The following IL6R variants were observed in gnomAD, a reference collection of about 807,000 sequenced individuals.
The protein encoded by IL6R is interleukin-6 receptor subunit alpha.
In IL6R, 38 loss-of-function variants were observed where a neutral mutation model predicts 48.3. The observed-to-expected ratio is 0.79, with a 90% CI of 0.61 to 1.03. IL6R has a LOEUF of 1.03. Ranked by LOEUF, IL6R falls within the 50% of genes least tolerant of loss-of-function variation. IL6R has a pLI of 0.00. For synonymous variants in IL6R, 264 were observed against 256.2 expected (o/e 1.03, Z -0.29); for missense variants, 534 against 618.3 (o/e 0.86, Z 1.45).
chr1:154,434,747 T>C, intron 4 of IL6R, 47 bp downstream of exon 4: 2 of 1,552,436 alleles, frequency 1.3e-6, no homozygotes, highest in Non-Finnish European at 1.8e-6. Context: ...TCTCTTTTGA[T>C]TTAATACTCC....
At chr1:154,421,572 C>T (rs1688666200) in intron 1 of IL6R, among the ~76,000 whole-genome samples, 1 of 152,210 alleles carries the variant, frequency 6.6e-6, no homozygotes, top group Admixed American at 6.5e-5. Flanking sequence ...TCCTTCCCTC[C>T]TTACTGCATT....
At chr1:154,464,398 G>A (rs759714662) in intron 9 of IL6R, among the ~76,000 whole-genome samples, 17 of 151,926 alleles carry the variant, frequency 1.1e-4, no homozygotes, top group South Asian at 2.1e-4. Flanking sequence ...CAGGTGATCC[G>A]CCCGCCTCGG....
intron 8 of IL6R, among the ~76,000 whole-genome samples, chr1:154,452,266 A>G (rs1458195122): frequency 2.6e-5 from 4 of 152,202 alleles, no homozygotes; most frequent in South Asian, 2.1e-4. Flanking sequence ...AAGTCTTGAC[A>G]AAGTCCCCAG....
chr1:154,444,520 T>C (rs951790739), intron 6 of IL6R, among the ~76,000 whole-genome samples: 38 of 152,232 alleles, frequency 2.5e-4, no homozygotes, highest in African/African-American at 7.0e-4. Context: ...TGCCAGCTTT[T>C]AATTTTGCTA....
chr1:154,454,619 C>T (rs1186597044), intron 9 of IL6R, 38 bp downstream of exon 9: 11 of 1,350,528 alleles, frequency 8.1e-6, no homozygotes, highest in Non-Finnish European at 1.1e-5. Flanking sequence ...GTGGTGTTCT[C>T]ATATTTCTTA....
At chr1:154,461,063 G>C (rs369972980) in intron 9 of IL6R, among the ~76,000 whole-genome samples, 1 of 152,168 alleles carries the variant, frequency 6.6e-6, no homozygotes, top group South Asian at 2.1e-4. Flanking sequence ...TTACAGGATC[G>C]GGGGCCCTTC....
intron 1 of IL6R, chr1:154,414,899 A>G: frequency 1.1e-6 from 1 of 882,368 alleles, no homozygotes; most frequent in Non-Finnish European, 1.9e-6. Context: ...AAGTAGCAGC[A>G]TTTGAGCTGG....
chr1:154,456,486 C>T (rs535235521), intron 9 of IL6R, among the ~76,000 whole-genome samples: 6 of 152,090 alleles, frequency 3.9e-5, no homozygotes, highest in Non-Finnish European at 5.9e-5. Context: ...GGATTACAGG[C>T]GTGAGCCACT....
chr1:154,447,588 T>A (rs990069379), intron 6 of IL6R, among the ~76,000 whole-genome samples: 7 of 146,380 alleles, frequency 4.8e-5, no homozygotes, highest in African/African-American at 1.0e-4. Flanking sequence ...TATATATATA[T>A]AAAATAAATT....
chr1:154,465,082 C>T, intron 9 of IL6R, 52 bp from the exon 10 acceptor site: 1 of 1,610,164 alleles, frequency 6.2e-7, no homozygotes. Flanking sequence ...GTGGGCTTGT[C>T]ACAGGGGGAG....
intron 7 of IL6R, among the ~76,000 whole-genome samples, chr1:154,449,050 C>T (rs1181339243): frequency 1.4e-5 from 2 of 146,714 alleles, no homozygotes; most frequent in Admixed American, 6.8e-5. Context: ...CCCGCGACCG[C>T]GCCTGGCTAA....
chr1:154,465,234 A>C lies in IL6R; in HGVS notation c.1261A>C (p.Thr421Pro), dbSNP rs777795126. 14 of 1,613,992 alleles carry C rather than the reference A, an allele frequency of 8.7e-6. No individual in the cohort carries two copies. The highest frequency in any genetic ancestry group is 1.2e-5 in the Non-Finnish European group (14 of 1,179,972). Reference sequence around the variant, plus strand: ...GCTGGTCCCGGAGAGGCCTCGACCCACCCCAGTGCTTGTTCCTCTCATCTC... The same window carrying C: ...GCTGGTCCCGGAGAGGCCTCGACCCCCCCCAGTGCTTGTTCCTCTCATCTC... ...GQLVPERPRPTPVLVPLISPP... is the reference protein window; with the variant it reads ...GQLVPERPRPPPVLVPLISPP... Residue 421 changes from threonine (T) to proline (P), a missense_variant, in exon 10 of 10, where the codon ACC becomes CCC. Thr to Pro is a conservative substitution (Grantham distance 38). Transcript: ENST00000368485.
At chr1:154,424,638 T>C (rs1302296363) in intron 1 of IL6R, among the ~76,000 whole-genome samples, 2 of 152,234 alleles carry the variant, frequency 1.3e-5, no homozygotes, top group Non-Finnish European at 2.9e-5. Flanking sequence ...AGTGGAAATA[T>C]TGATGCACTG....
At chr1:154,435,203 T>C in intron 5 of IL6R, 47 bp downstream of exon 5, 1 of 1,573,384 alleles carries the variant, frequency 6.4e-7, no homozygotes, top group Non-Finnish European at 8.7e-7. Context: ...CCTAGATGCT[T>C]AGGCGTAGTA....
chr1:154,446,268 C>T (rs928559709), intron 6 of IL6R, among the ~76,000 whole-genome samples: 5 of 152,160 alleles, frequency 3.3e-5, no homozygotes, highest in Non-Finnish European at 5.9e-5. Context: ...GTCGCTTTCC[C>T]TCTCCGGGCC....
At position 154,438,370 on chromosome 1, in the gene IL6R, T is replaced by C. The variant is rs1216323768; in HGVS notation, c.949+2260T>C. On this transcript the variant is annotated intron_variant, in intron 6 of 9. Coordinates refer to ENST00000368485, the MANE Select transcript of IL6R (RefSeq NM_000565.4). ...TAAATGCTTCCAGAGACAGAGAGCTTACTACCCCTTGCAGCAATCTGTTTT... is the reference window on the plus strand; with the variant it reads ...TAAATGCTTCCAGAGACAGAGAGCTCACTACCCCTTGCAGCAATCTGTTTT... Among the ~76,000 whole-genome samples, 4 of 152,060 alleles carry C rather than the reference T, an allele frequency of 2.6e-5. No homozygotes were observed. In the East Asian group the frequency reaches 7.7e-4, roughly 29 times the overall value.
chr1:154,441,389 C>G (rs1156701375), intron 6 of IL6R, among the ~76,000 whole-genome samples: 1 of 152,190 alleles, frequency 6.6e-6, no homozygotes, highest in African/African-American at 2.4e-5. Context: ...TCAGATAGAA[C>G]AGTCGGTTTC....
At chr1:154,460,198 G>A (rs535538613) in intron 9 of IL6R, among the ~76,000 whole-genome samples, 17 of 152,268 alleles carry the variant, frequency 1.1e-4, no homozygotes, top group Non-Finnish European at 2.4e-4. Context: ...GGAGGTCAAG[G>A]TGCAAAAGAA....
chr1:154,455,858 A>G (rs1209997790), intron 9 of IL6R, among the ~76,000 whole-genome samples: 1 of 151,618 alleles, frequency 6.6e-6, no homozygotes, highest in Admixed American at 6.6e-5. Context: ...GGAGTTCGAG[A>G]CCAGCCTGGC....
Sources: allele counts gnomAD v4.1 joint callset (sites outside exome capture counted in the v4.1 genomes callset), GRCh38; gene constraint gnomAD v4.1.1; transcripts MANE v1.5; gene names NCBI Gene and HGNC (gene_info 2026-07-23, HGNC 2026-07-21).